The following GRIP1 variants were observed in gnomAD, a reference collection of about 807,000 sequenced individuals.
GRIP1 encodes glutamate receptor interacting protein 1.
Under a neutral mutation model 129.9 loss-of-function variants are expected in GRIP1, and 45 were observed. The observed-to-expected ratio is 0.35, with a 90% CI of 0.27 to 0.44. GRIP1 has a LOEUF of 0.44. GRIP1 is among the 20% of genes least tolerant of loss of function. The pLI is 1.00. For synonymous variants in GRIP1, 530 were observed against 520.8 expected (o/e 1.02, Z -0.24); for missense variants, 1,196 against 1,396.8 (o/e 0.86, Z 2.29).
intron 1 of GRIP1, among the ~76,000 whole-genome samples, chr12:66,738,060 C>A (rs2036664487): frequency 6.6e-6 from 1 of 152,180 alleles, no homozygotes; most frequent in South Asian, 2.1e-4. Context: ...GACCCCCTGG[C>A]TGGAAGGCCT....
chr12:66,990,398 C>T lies in GRIP1; in HGVS notation c.58+78652G>A, dbSNP rs376063368. On this transcript the variant is annotated intron_variant, in intron 1 of 1. Transcript: ENST00000643019. ...AATGTATTTAACACTGACTAGGTTC[C>T]AGCTCTGGCTCAGATTTGAAAAATA... Among the ~76,000 whole-genome samples, 13 of 152,122 alleles carry T rather than the reference C, an allele frequency of 8.5e-5. No homozygotes were observed. The East Asian group carries it at 1.7e-3, about 20-fold the overall frequency.
intron 1 of GRIP1, among the ~76,000 whole-genome samples, chr12:66,866,011 C>T (rs1195441181): frequency 6.6e-6 from 1 of 152,042 alleles, no homozygotes; most frequent in Admixed American, 6.6e-5. Context: ...GACAAATAAC[C>T]AAAGCCTTAC....
intron 1 of GRIP1, among the ~76,000 whole-genome samples, chr12:66,831,563 C>T (rs894045483): frequency 6.6e-6 from 1 of 152,142 alleles, no homozygotes; most frequent in African/African-American, 2.4e-5. Context: ...TCACAAGCAA[C>T]ACTTCAAAGC....
chr12:66,956,672 C>A (rs975808093), intron 1 of GRIP1, among the ~76,000 whole-genome samples: 1 of 152,092 alleles, frequency 6.6e-6, no homozygotes, highest in African/African-American at 2.4e-5. Context: ...AATTTTCTCC[C>A]AGGATGATGT....
chr12:66,704,646 G>A (rs1158960031), intron 1 of GRIP1, among the ~76,000 whole-genome samples: 3 of 151,992 alleles, frequency 2.0e-5, no homozygotes, highest in Non-Finnish European at 4.4e-5. Flanking sequence ...GCAGGAAAGA[G>A]GTTAACAGAG....
intron 15 of GRIP1, among the ~76,000 whole-genome samples, chr12:66,417,063 C>A (rs1201927603): frequency 6.6e-6 from 1 of 151,904 alleles, no homozygotes; most frequent in Non-Finnish European, 1.5e-5. Context: ...AAAGTGAAGT[C>A]AAAAATATAT....
At chr12:66,684,567 G>A (rs2034707588) in intron 1 of GRIP1, among the ~76,000 whole-genome samples, 1 of 152,146 alleles carries the variant, frequency 6.6e-6, no homozygotes, top group Non-Finnish European at 1.5e-5. Context: ...TCCCCTGGCG[G>A]GGGACGGTGG....
chr12:66,567,260 T>A (rs1430578108), intron 2 of GRIP1, among the ~76,000 whole-genome samples: 1 of 152,210 alleles, frequency 6.6e-6, no homozygotes, highest in African/African-American at 2.4e-5. Flanking sequence ...TTGTGGGCAT[T>A]TAACGCTATA....
chr12:66,449,637 C>T (rs922422647), intron 11 of GRIP1, among the ~76,000 whole-genome samples: 4 of 152,082 alleles, frequency 2.6e-5, no homozygotes, highest in Admixed American at 6.5e-5. Flanking sequence ...AGTGTGGTTT[C>T]GCTGATGTAG....
chr12:66,667,048 G>T (rs538844523), intron 1 of GRIP1, among the ~76,000 whole-genome samples: 1 of 152,168 alleles, frequency 6.6e-6, no homozygotes, highest in African/African-American at 2.4e-5. Flanking sequence ...TTTGCTTAGA[G>T]CTCAAAGGGC....
At chr12:66,735,636 T>A in intron 1 of GRIP1, among the ~76,000 whole-genome samples, 1 of 150,478 alleles carries the variant, frequency 6.6e-6, no homozygotes, top group Non-Finnish European at 1.5e-5. Context: ...GAAATGGAGG[T>A]GACAAGAGAG....
chr12:66,838,920 T>C (rs771751410), intron 1 of GRIP1, among the ~76,000 whole-genome samples: 1 of 152,092 alleles, frequency 6.6e-6, no homozygotes, highest in Admixed American at 6.5e-5. Flanking sequence ...GAAAAAGACA[T>C]TTTAAAGGGC....
chr12:66,890,057 T>C (rs947362908), intron 1 of GRIP1, among the ~76,000 whole-genome samples: 1 of 151,938 alleles, frequency 6.6e-6, no homozygotes, highest in Non-Finnish European at 1.5e-5. Context: ...AGCCTCCCAA[T>C]AGCTGGGACT....
chr12:66,398,518 T>C (rs1295363690), intron 16 of GRIP1, among the ~76,000 whole-genome samples: 2 of 152,014 alleles, frequency 1.3e-5, no homozygotes, highest in African/African-American at 4.9e-5. Flanking sequence ...CTACTTTTAC[T>C]TTAAAGCTTG....
At position 66,719,226 on chromosome 12, in the gene GRIP1, T is replaced by C. The variant is rs544264065; in HGVS notation, c.-420+84827A>G. On this transcript the variant is annotated intron_variant, in intron 1 of 4. Transcript: ENST00000538373. ...GGCTACAATATACAAGAGTGAGGGG[T>C]ACTATTCTATTTTGCTCTAGAAGAT... 5.3e-5 allele frequency among the ~76,000 whole-genome samples: 8 copies of C among 152,216 alleles called. No homozygotes were observed. In the South Asian group the frequency reaches 8.3e-4, roughly 16 times the overall value.
At chr12:66,462,608 T>C (rs1041374748) in intron 9 of GRIP1, among the ~76,000 whole-genome samples, 15 of 150,876 alleles carry the variant, frequency 9.9e-5, no homozygotes, top group Non-Finnish European at 2.1e-4. Context: ...AAATGATGAG[T>C]CTGACCAACA....
chr12:66,476,391 A>G (rs900864223), intron 7 of GRIP1, among the ~76,000 whole-genome samples: 3 of 152,206 alleles, frequency 2.0e-5, no homozygotes, highest in Non-Finnish European at 4.4e-5. Context: ...ACCAACCAAA[A>G]AGAGTCCAGG....
chr12:66,454,960 C>A (rs2058913797), intron 11 of GRIP1, among the ~76,000 whole-genome samples: 3 of 152,062 alleles, frequency 2.0e-5, no homozygotes. Context: ...TTTATGACAA[C>A]ATTAAATGAA....
intron 1 of GRIP1, among the ~76,000 whole-genome samples, chr12:66,707,490 G>T (rs528491228): frequency 7.7e-6 from 1 of 129,928 alleles, no homozygotes; most frequent in Non-Finnish European, 1.6e-5. Flanking sequence ...AACTGTCTGC[G>T]CCAATCACTG....
Sources: allele counts gnomAD v4.1 joint callset (sites outside exome capture counted in the v4.1 genomes callset), GRCh38; gene constraint gnomAD v4.1.1; transcripts MANE v1.5; gene names NCBI Gene and HGNC (gene_info 2026-07-23, HGNC 2026-07-21).